The following MINDY2 variants were observed in gnomAD, a reference collection of about 807,000 sequenced individuals.
MINDY2 encodes ubiquitin carboxyl-terminal hydrolase MINDY-2.
MINDY2 carries 52 observed loss-of-function variants against 68.2 expected under a neutral mutation model. The ratio of observed to expected loss-of-function variants is 0.76; its 90% CI spans 0.61 to 0.96. The LOEUF (loss-of-function observed/expected upper bound fraction) is 0.96. Ranked by LOEUF, MINDY2 falls within the 40% of genes least tolerant of loss-of-function variation. The pLI, the probability that MINDY2 is intolerant of heterozygous loss-of-function variation, is 0.00. For synonymous variants in MINDY2, 372 were observed against 303.0 expected (o/e 1.23, Z -2.36); for missense variants, 881 against 773.4 (o/e 1.14, Z -1.65).
Position 58,851,778 on chromosome 15 carries a change from T to A in MINDY2, c.1550T>A (p.Leu517His). 1 of 1,577,500 alleles carries A rather than the reference T, an allele frequency of 6.3e-7. No individual in the cohort carries two copies. Among genetic ancestry groups the A allele is most frequent in the South Asian group, 1.2e-5 (1 of 84,718 alleles). ...GQQDQIDQDYLMALSLQQEQQ... is the reference protein window; with the variant it reads ...GQQDQIDQDYHMALSLQQEQQ... The stretch of plus-strand genomic sequence containing the variant: ...TATAATTTAATTTATTAGGATTATC[T>A]TATGGCATTATCTCTACAACAAGAA... Residue 517 changes from leucine (L) to histidine (H), a missense_variant, in exon 8 of 9, where the codon CTT (leucine) becomes CAT (histidine). Transcript: ENST00000559228.
At chr15:58,802,175 G>C (rs1595727243) in intron 2 of MINDY2, 138 bp from the exon 3 acceptor site, 3 of 623,434 alleles carry the variant, frequency 4.8e-6, no homozygotes, top group East Asian at 3.0e-5. Context: ...ATTTTCTCTG[G>C]GTAGGATTGG....
At chr15:58,853,103 C>T (rs1486207522) in intron 8 of MINDY2, among the ~76,000 whole-genome samples, 1 of 151,506 alleles carries the variant, frequency 6.6e-6, no homozygotes, top group African/African-American at 2.4e-5. Context: ...CAGGTGTGTG[C>T]CACCATGCCC....
chr15:58,806,390 C>T (rs939504779), intron 3 of MINDY2, among the ~76,000 whole-genome samples: 1 of 145,026 alleles, frequency 6.9e-6, no homozygotes, highest in East Asian at 2.0e-4. Context: ...CAGGGTCTCA[C>T]TCTGTCACTT....
intron 6 of MINDY2, among the ~76,000 whole-genome samples, chr15:58,833,887 C>T (rs1467233646): frequency 2.0e-5 from 3 of 152,058 alleles, no homozygotes; most frequent in African/African-American, 4.8e-5. Context: ...TTATGGGTGT[C>T]GGGCTGCCGG....
chr15:58,795,149 C>T (rs1183190916), intron 2 of MINDY2, among the ~76,000 whole-genome samples: 4 of 151,464 alleles, frequency 2.6e-5, no homozygotes, highest in Non-Finnish European at 5.9e-5. Flanking sequence ...GCACTCCAGC[C>T]TGGGCACCAG....
chr15:58,795,911 G>C (rs181476535), intron 2 of MINDY2, among the ~76,000 whole-genome samples: 24 of 152,256 alleles, frequency 1.6e-4, no homozygotes, highest in African/African-American at 5.5e-4. Flanking sequence ...TAGGAGAAAG[G>C]CCAGTACAGA....
At chr15:58,833,467 G>A (rs1595763871) in intron 6 of MINDY2, among the ~76,000 whole-genome samples, 2 of 152,188 alleles carry the variant, frequency 1.3e-5, no homozygotes, top group South Asian at 4.1e-4. Context: ...GGGGACCAGC[G>A]TTCAGCATGC....
At chr15:58,819,455 G>A (rs2030918560) in intron 4 of MINDY2, among the ~76,000 whole-genome samples, 1 of 152,112 alleles carries the variant, frequency 6.6e-6, no homozygotes, top group Admixed American at 6.6e-5. Context: ...TCACACCACT[G>A]CACTCCAGCG....
rs1157376592 is a variant in MINDY2, at chr15:58,782,911, G to GTTTTTTTTTT, written c.841-4978_841-4969dup. On this transcript the variant is annotated intron_variant, in intron 1 of 8. Transcript: ENST00000559228. ...TCAATATATTTAATTTTTTCTCTCT[G>GTTTTTTTTTT]TTTTTTTTTTTTTTTTTTTTTTTTT... Among the ~76,000 whole-genome samples, 31 of 64,496 alleles carry GTTTTTTTTTT rather than the reference G, an allele frequency of 4.8e-4. 4 individuals carry two copies. Among genetic ancestry groups the GTTTTTTTTTT allele is most frequent in the East Asian group, 2.4e-3 (3 of 1,234 alleles). 42.3% of individuals were successfully genotyped at this position (64,496 alleles called of 152,430 possible). A position where few individuals can be genotyped will look rare whatever the true frequency, so the allele number is the denominator to read the frequency against.
chr15:58,782,327 T>C (rs552891954), intron 1 of MINDY2, among the ~76,000 whole-genome samples: 56 of 152,300 alleles, frequency 3.7e-4, no homozygotes, highest in Admixed American at 5.9e-4. Context: ...TTTTGACTAT[T>C]ATTTAGTGCG....
chr15:58,808,666 A>G (rs1450365147), intron 3 of MINDY2, among the ~76,000 whole-genome samples: 12 of 152,194 alleles, frequency 7.9e-5, no homozygotes, highest in Middle Eastern at 6.8e-3. Flanking sequence ...GTGCAGTGGC[A>G]CAATCTTGGC....
At chr15:58,833,619 TAAAGA>T (rs1393661997) in intron 6 of MINDY2, among the ~76,000 whole-genome samples, 3 of 151,882 alleles carry the variant, frequency 2.0e-5, no homozygotes, top group Non-Finnish European at 4.4e-5. Context: ...ATAAACAAGG[TAAAGA>T]AAAAAGTGCT....
At chr15:58,792,596 ACT>A (rs1235271252) in intron 2 of MINDY2, among the ~76,000 whole-genome samples, 3 of 152,056 alleles carry the variant, frequency 2.0e-5, no homozygotes, top group Non-Finnish European at 4.4e-5. Context: ...ACAGAGCAAG[ACT>A]CTGTCTCAGG....
At chr15:58,779,978 A>T (rs1006736266) in intron 1 of MINDY2, among the ~76,000 whole-genome samples, 4 of 152,198 alleles carry the variant, frequency 2.6e-5, no homozygotes, top group African/African-American at 7.2e-5. Context: ...TTGAATAATA[A>T]TAGTAAGTAC....
intron 1 of MINDY2, among the ~76,000 whole-genome samples, chr15:58,775,676 G>A (rs1212494236): frequency 6.6e-6 from 1 of 152,096 alleles, no homozygotes; most frequent in African/African-American, 2.4e-5. Context: ...TTTCAAACCT[G>A]GGTAATAGAG....
chr15:58,814,004 CTT>C (rs1218938412), intron 4 of MINDY2, among the ~76,000 whole-genome samples: 1 of 144,376 alleles, frequency 6.9e-6, no homozygotes, highest in Non-Finnish European at 1.5e-5. Context: ...GTGGCACAAT[CTT>C]TGCTCAGTGC....
rs1192742535 is a variant in MINDY2 at position 58,855,893 on chromosome 15, C to G, written c.*1283C>G. ...CGAGATCGCCCTGCTGCACTCCAGC[C>G]TGGGTGACAGAGGGAGACTCCGTCT... On this transcript the variant is annotated 3_prime_UTR_variant, in exon 9 of 9. Transcript: ENST00000559228. 6.6e-6 allele frequency: 1 copy of G among 152,124 alleles called. No individual in the cohort carries two copies. Among genetic ancestry groups the G allele is most frequent in the Non-Finnish European group, 1.5e-5 (1 of 68,040 alleles). 9.4% of individuals were successfully genotyped at this position (152,124 alleles called of 1,614,324 possible). A position where few individuals can be genotyped will look rare whatever the true frequency, so the allele number is the denominator to read the frequency against.
intron 7 of MINDY2, among the ~76,000 whole-genome samples, chr15:58,847,915 T>C (rs1437460322): frequency 6.6e-6 from 1 of 152,060 alleles, no homozygotes; most frequent in Non-Finnish European, 1.5e-5. Flanking sequence ...TTTGACTAGT[T>C]AGAAAAAGTA....
intron 4 of MINDY2, 24 bp from the exon 5 acceptor site, chr15:58,821,693 G>A (rs200119592): frequency 1.4e-6 from 2 of 1,437,596 alleles, no homozygotes; most frequent in African/African-American, 1.5e-5. Context: ...ACCATGATTA[G>A]TGAGACAGTC....
Sources: gnomAD v4.1 joint callset for allele counts (sites outside exome capture counted in the v4.1 genomes callset) on GRCh38, gnomAD v4.1.1 for gene constraint, MANE v1.5 for transcripts, NCBI Gene and HGNC (gene_info 2026-07-23, HGNC 2026-07-21) for gene names.